Variants in GALNT14 observed in about 807,000 individuals in gnomAD.
GALNT14 encodes polypeptide N-acetylgalactosaminyltransferase 14.
A neutral mutation model predicts 77.5 loss-of-function variants in GALNT14; 60 were observed. The observed-to-expected ratio is 0.77, with a 90% CI of 0.63 to 0.96. GALNT14 has a LOEUF of 0.96. Ranked by LOEUF, GALNT14 falls within the 40% of genes least tolerant of loss-of-function variation. The pLI, the probability that GALNT14 is intolerant of heterozygous loss-of-function variation, is 0.00. For synonymous variants in GALNT14, 280 were observed against 281.7 expected (o/e 0.99, Z 0.06); for missense variants, 710 against 731.0 (o/e 0.97, Z 0.33).
chr2:30,998,962 C>T (rs1003020369), intron 1 of GALNT14, among the ~76,000 whole-genome samples: 1 of 152,200 alleles, frequency 6.6e-6, no homozygotes, highest in African/African-American at 2.4e-5. Flanking sequence ...CCATCAGCCC[C>T]TCTACTCTTC....
intron 1 of GALNT14, among the ~76,000 whole-genome samples, chr2:31,057,366 GTGTGTGTGTA>G (rs1189475388): frequency 4.7e-5 from 4 of 84,822 alleles, no homozygotes; most frequent in African/African-American, 1.7e-4. Flanking sequence ...GTGTGTGTGT[GTGTGTGTGTA>G]TATATATATA....
intron 1 of GALNT14, among the ~76,000 whole-genome samples, chr2:31,069,766 A>G: frequency 6.6e-6 from 1 of 152,186 alleles, no homozygotes; most frequent in East Asian, 1.9e-4. Context: ...GCCTTGGGCA[A>G]CAACGAGATG....
At chr2:31,109,328 C>G (rs977423980) in intron 1 of GALNT14, among the ~76,000 whole-genome samples, 1 of 152,244 alleles carries the variant, frequency 6.6e-6, no homozygotes, top group African/African-American at 2.4e-5. Context: ...AATTGCCCAC[C>G]TTTTACTTCT....
intron 1 of GALNT14, chr2:31,125,084 G>C (rs1008835393): frequency 1.3e-5 from 15 of 1,112,148 alleles, no homozygotes; most frequent in Non-Finnish European, 1.9e-5. Context: ...CCTACCCACA[G>C]TACCCAGGGC....
Position 30,932,171 on chromosome 2 carries a change from A to G in GALNT14, c.955T>C (p.Cys319Arg). 6.5e-7 allele frequency: 1 copy of G among 1,537,922 alleles called. No individual in the cohort carries two copies. ...NFEISFRVWM[C>R]GGSLEIVPCS... The stretch of plus-strand genomic sequence containing the variant: ...GGGACGATCTCTAGGCTGCCCCCGC[A>G]CATCCACACTCGGAAGGAGATTTCT... The change falls in exon 10 of 15, where the codon TGC becomes CGC. Residue 319 changes from cysteine (C) to arginine (R), a missense_variant. Coordinates refer to ENST00000349752, the MANE Select transcript of GALNT14 (RefSeq NM_024572.4).
intron 13 of GALNT14, among the ~76,000 whole-genome samples, chr2:30,922,229 A>G (rs971854650): frequency 3.3e-5 from 3 of 91,696 alleles, no homozygotes; most frequent in Non-Finnish European, 7.2e-5. Flanking sequence ...GTGTTGAGAA[A>G]GTCCAGGTAG....
chr2:31,110,390 G>A (rs183211433), intron 1 of GALNT14, among the ~76,000 whole-genome samples: 8 of 152,264 alleles, frequency 5.3e-5, no homozygotes, highest in African/African-American at 1.2e-4. Flanking sequence ...TGAATAAGCC[G>A]AAGATTTAAA....
At chr2:30,891,238 T>C in the GALNT14 span, among the ~76,000 whole-genome samples, 2 of 152,126 alleles carry the variant, frequency 1.3e-5, no homozygotes, top group Non-Finnish European at 2.9e-5. Flanking sequence ...ATTCCCAGGC[T>C]CCAGCCACTG....
intron 9 of GALNT14, among the ~76,000 whole-genome samples, chr2:30,939,169 C>A (rs1301930508): frequency 6.6e-6 from 1 of 152,044 alleles, no homozygotes; most frequent in Admixed American, 6.6e-5. Flanking sequence ...GAAGGCTGGG[C>A]GGCAGACACA....
chr2:31,038,383 C>G (rs7565923), intron 1 of GALNT14, among the ~76,000 whole-genome samples: 1 of 151,540 alleles, frequency 6.6e-6, no homozygotes, highest in Admixed American at 6.6e-5. Flanking sequence ...TGTGAGCCAC[C>G]GCACCCAGCA....
intron 1 of GALNT14, among the ~76,000 whole-genome samples, chr2:31,100,167 C>T (rs568731389): frequency 6.5e-4 from 99 of 152,098 alleles, no homozygotes; most frequent in African/African-American, 2.2e-3. Flanking sequence ...TAAGTCCTCA[C>T]TTAACATCAT....
chr2:31,071,147 G>A (rs1675336881), intron 1 of GALNT14, among the ~76,000 whole-genome samples: 1 of 152,210 alleles, frequency 6.6e-6, no homozygotes, highest in Non-Finnish European at 1.5e-5. Context: ...ACTGGGTTCA[G>A]TGTGTACTGC....
chr2:31,092,931 GACCTCCTTA>G (rs1676824906), intron 1 of GALNT14, among the ~76,000 whole-genome samples: 1 of 152,128 alleles, frequency 6.6e-6, no homozygotes, highest in African/African-American at 2.4e-5. Flanking sequence ...ATTTTGCAAA[GACCTCCTTA>G]ACTACACCAT....
chr2:30,995,438 C>T (rs539539029), intron 1 of GALNT14, among the ~76,000 whole-genome samples: 1 of 152,258 alleles, frequency 6.6e-6, no homozygotes, highest in Admixed American at 6.5e-5. Flanking sequence ...GTAGGCTCTA[C>T]CATCTAGGTT....
At chr2:31,029,378 C>T (rs1212368168) in intron 1 of GALNT14, among the ~76,000 whole-genome samples, 3 of 152,174 alleles carry the variant, frequency 2.0e-5, no homozygotes, top group South Asian at 2.1e-4. Flanking sequence ...CTGCCTCCAC[C>T]ACCGTCATCT....
At chr2:30,888,966 A>G in the GALNT14 span, among the ~76,000 whole-genome samples, 1 of 135,382 alleles carries the variant, frequency 7.4e-6, no homozygotes, top group Non-Finnish European at 1.5e-5. Context: ...GAGTCTTGTT[A>G]TCTCCCAGTG....
At chr2:30,970,518 G>C in intron 2 of GALNT14, among the ~76,000 whole-genome samples, 1 of 152,142 alleles carries the variant, frequency 6.6e-6, no homozygotes, top group South Asian at 2.1e-4. Context: ...GAGCCGGCCC[G>C]CACGCCAGGT....
chr2:30,945,674 G>A lies in GALNT14; in HGVS notation c.742+109C>T, dbSNP rs930175809. 9 of 873,328 alleles carry A rather than the reference G, an allele frequency of 1.0e-5. No homozygotes were observed. The African/African-American group carries it at 1.5e-4, about 14-fold the overall frequency. The allele number at this position is 873,328 out of a possible 1,614,324, so 54.1% of individuals were successfully genotyped here. A position where few individuals can be genotyped will look rare whatever the true frequency, so the allele number is the denominator to read the frequency against. On this transcript the variant is annotated intron_variant, in intron 7 of 14. Transcript: ENST00000349752. ...AATTATAGTGCAGGTTGCAGGCTGA[G>A]CTTTCTCGACAAGCAACTAAGAGCT...
At chr2:30,938,563 C>T (rs545664174) in intron 9 of GALNT14, among the ~76,000 whole-genome samples, 1 of 152,334 alleles carries the variant, frequency 6.6e-6, no homozygotes, top group South Asian at 2.1e-4. Context: ...AGCCACATTT[C>T]CCTAACATCT....
Sources: allele counts gnomAD v4.1 joint callset (sites outside exome capture counted in the v4.1 genomes callset), GRCh38; gene constraint gnomAD v4.1.1; transcripts MANE v1.5; gene names NCBI Gene and HGNC (gene_info 2026-07-23, HGNC 2026-07-21).